The following SULT4A1 variants were observed in gnomAD, a reference collection of about 807,000 sequenced individuals.
The protein encoded by SULT4A1 is sulfotransferase family 4A member 1, also known as sulfotransferase 4A1.
A neutral mutation model predicts 35.2 loss-of-function variants in SULT4A1; 11 were observed. The observed-to-expected ratio is 0.31, with a 90% confidence interval of 0.20 to 0.52. The LOEUF is 0.52. SULT4A1 is among the 20% of genes least tolerant of loss of function. The probability of loss-of-function intolerance (pLI) is 0.97; values close to 1 mark genes in which losing one functional copy is unlikely to be tolerated. For synonymous variants in SULT4A1, 152 were observed against 151.8 expected, an observed-to-expected ratio of 1.00 and a Z score of -0.01; for missense variants, 271 against 383.7, an observed-to-expected ratio of 0.71 and a Z score of 2.45.
At chr22:43,856,175 C>T (rs1475788451) in intron 1 of SULT4A1, among the ~76,000 whole-genome samples, 1 of 152,198 alleles carries the variant, frequency 6.6e-6, no homozygotes, top group South Asian at 2.1e-4. Flanking sequence ...AAAAGAAAAA[C>T]ATCCTACTTG....
rs1408152403 is a variant in SULT4A1, at chr22:43,825,793, C to A, written c.*208G>T. The A allele has an allele frequency of 1.1e-5, 6 of 551,178 alleles. No homozygotes were observed. Among genetic ancestry groups the A allele is most frequent in the Non-Finnish European group, 1.9e-5 (6 of 309,750 alleles). The allele number at this position is 551,178 out of a possible 1,614,324, so 34.1% of individuals were successfully genotyped here. ...AATGTGGAGACTGTTTGTAATCAGA[C>A]ATGGAGAGGCTGCACGTTCTAAAGG... On this transcript the variant is annotated 3_prime_UTR_variant, in exon 7 of 7. Transcript: ENST00000330884.
At chr22:43,830,978 G>T (rs1370099883) in intron 5 of SULT4A1, among the ~76,000 whole-genome samples, 2 of 152,178 alleles carry the variant, frequency 1.3e-5, no homozygotes, top group Non-Finnish European at 2.9e-5. Context: ...CCTAAAAAAA[G>T]AATAAACCCA....
chr22:43,841,101 C>A (rs549660085), intron 2 of SULT4A1, among the ~76,000 whole-genome samples: 60 of 152,350 alleles, frequency 3.9e-4, no homozygotes, highest in Non-Finnish European at 6.2e-4. Context: ...CACGGCAGTA[C>A]GGAACGACTC....
In SULT4A1 at chr22:43,862,431, A is replaced by ACGCGCCCGCGCC. The variant is rs549267654; in HGVS notation, c.-61_-50dup. 2.6e-3 allele frequency: 2,482 copies of ACGCGCCCGCGCC among 963,750 alleles called. 12 individuals carry two copies. The highest frequency in any genetic ancestry group is 0.019 in the Middle Eastern group (36 of 1,886). 59.7% of individuals were successfully genotyped at this position (963,750 alleles called of 1,614,324 possible). A position where few individuals can be genotyped will look rare whatever the true frequency, so the allele number is the denominator to read the frequency against. ...CGCCGCCTCCCGGCTCGCAGCCCGCACGCGCCCGCGCCCGCGCCCGCGCCC... is the reference window on the plus strand; with the variant it reads ...CGCCGCCTCCCGGCTCGCAGCCCGCACGCGCCCGCGCCCGCGCCCGCGCCCGCGCCCGCGCCC... On this transcript the variant is annotated 5_prime_UTR_variant, in exon 1 of 7. Transcript: ENST00000330884.
chr22:43,851,029 T>C (rs2063507126), intron 1 of SULT4A1, among the ~76,000 whole-genome samples: 1 of 152,218 alleles, frequency 6.6e-6, no homozygotes, highest in African/African-American at 2.4e-5. Context: ...TCTTCCGTAC[T>C]CTGTTCCCTT....
intron 1 of SULT4A1, among the ~76,000 whole-genome samples, chr22:43,842,664 C>T (rs909855859): frequency 1.3e-5 from 2 of 152,164 alleles, no homozygotes; most frequent in East Asian, 3.9e-4. Context: ...CCCCAAGGCG[C>T]TCCAGGGTAC....
chr22:43,830,682 C>T (rs545664748), intron 5 of SULT4A1, among the ~76,000 whole-genome samples: 123 of 152,302 alleles, frequency 8.1e-4, no homozygotes, highest in African/African-American at 2.8e-3. Flanking sequence ...GTGAGAACAC[C>T]CTGCAAGATG....
rs974285203 is a variant in SULT4A1, at chr22:43,825,072, A to T, written c.*929T>A. ...CCACGGCTGAGCGCCTCAGGTGCACAGAACAAACTGAATGATAAAGACCCG... is the reference window on the plus strand; with the variant it reads ...CCACGGCTGAGCGCCTCAGGTGCACTGAACAAACTGAATGATAAAGACCCG... On this transcript the variant is annotated 3_prime_UTR_variant, in exon 7 of 7. Coordinates refer to ENST00000330884, the MANE Select transcript of SULT4A1 (RefSeq NM_014351.4). 3 of 152,268 alleles carry T rather than the reference A, an allele frequency of 2.0e-5. No individual in the cohort carries two copies. Among genetic ancestry groups the T allele is most frequent in the Non-Finnish European group, 2.9e-5 (2 of 68,038 alleles). 9.4% of individuals were successfully genotyped at this position (152,268 alleles called of 1,614,324 possible). A position where few individuals can be genotyped will look rare whatever the true frequency, so the allele number is the denominator to read the frequency against.
intron 6 of SULT4A1, chr22:43,826,681 G>A: frequency 2.1e-5 from 21 of 985,458 alleles, no homozygotes; most frequent in Non-Finnish European, 2.5e-5. Context: ...AAGCCCTCCT[G>A]ACTGGGCCAA....
intron 6 of SULT4A1, 164 bp from the exon 7 acceptor site, chr22:43,826,277 G>A: frequency 1.0e-6 from 1 of 985,394 alleles, no homozygotes; most frequent in African/African-American, 1.7e-5. Flanking sequence ...CAGACCAGGT[G>A]GTCCCCTAAC....
rs143993811 is a variant in SULT4A1 at position 43,827,140 on chromosome 22, C to A, written c.743-1027G>T. ...GAGCTGTGAGCACATCACCCGAGTA[C>A]TGCCTCCCTGCTTTTGAAGAACTGC... On this transcript the variant is annotated intron_variant, in intron 6 of 6. Coordinates refer to ENST00000330884, the MANE Select transcript of SULT4A1 (RefSeq NM_014351.4). 79 of 985,490 alleles carry A rather than the reference C, an allele frequency of 8.0e-5. No homozygotes were observed. The East Asian group carries it at 7.7e-3, about 96-fold the overall frequency. 61.0% of individuals were successfully genotyped at this position (985,490 alleles called of 1,614,324 possible).
At position 43,833,700 on chromosome 22, in the gene SULT4A1, C is replaced by A. The variant is rs1286524907; in HGVS notation, c.543G>T (p.Glu181Asp). Residue 181 changes from glutamate to aspartate, a missense_variant, in exon 5 of 7, where the codon GAG becomes GAT. Around this residue, in one of 3 missense-constraint regions of SULT4A1, gnomAD observed 164 missense variants for 254.1 expected, o/e 0.65. Transcript: ENST00000330884. ...TCGAGTCCATGCGGTGCTCCCAGAA[C>A]TCCTGCACGTGCTCAAACCAGGAGC... ...GYGSWFEHVQ[E>D]FWEHRMDSNV... 1 of 1,583,896 alleles carries A rather than the reference C, an allele frequency of 6.3e-7. No homozygotes were observed. Among genetic ancestry groups the A allele is most frequent in the East Asian group, 2.3e-5 (1 of 43,854 alleles).
intron 1 of SULT4A1, among the ~76,000 whole-genome samples, chr22:43,843,204 C>G (rs1251035006): frequency 6.6e-6 from 1 of 152,132 alleles, no homozygotes; most frequent in African/African-American, 2.4e-5. Context: ...TGCTTGAGGC[C>G]AGAAGTTCGA....
intron 1 of SULT4A1, among the ~76,000 whole-genome samples, chr22:43,857,058 A>G (rs953517331): frequency 7.2e-5 from 11 of 152,220 alleles, no homozygotes; most frequent in African/African-American, 2.7e-4. Context: ...GATGGACAAC[A>G]CACATGAATA....
intron 4 of SULT4A1, among the ~76,000 whole-genome samples, chr22:43,837,707 G>C (rs2063388416): frequency 6.6e-6 from 1 of 152,184 alleles, no homozygotes; most frequent in African/African-American, 2.4e-5. Context: ...GCAAGCAACA[G>C]AGTCAGCCTG....
chr22:43,841,949 C>G lies in SULT4A1; in HGVS notation c.170-17G>C. The G allele has an allele frequency of 6.2e-7, 1 of 1,611,152 alleles. No individual in the cohort carries two copies. The highest frequency in any genetic ancestry group is 8.5e-7 in the Non-Finnish European group (1 of 1,178,438). On this transcript the variant is annotated splice_polypyrimidine_tract_variant and intron_variant, in intron 1 of 6. Coordinates refer to ENST00000330884, the MANE Select transcript of SULT4A1 (RefSeq NM_014351.4). Reference sequence around the variant, plus strand: ...AGCTGGTGCCTGGAGGGGAGAAGCCCCAGCGCGGGGTGCTCAGAGGAGGCC... The same window carrying G: ...AGCTGGTGCCTGGAGGGGAGAAGCCGCAGCGCGGGGTGCTCAGAGGAGGCC...
At chr22:43,844,881 G>A (rs1178205351) in intron 1 of SULT4A1, among the ~76,000 whole-genome samples, 1 of 152,238 alleles carries the variant, frequency 6.6e-6, no homozygotes, top group Non-Finnish European at 1.5e-5. Context: ...GTGCAGGCAG[G>A]AGGAAGCGGG....
rs779939578 is a variant in SULT4A1, at chr22:43,839,925, C to A, written c.381+20G>T. On this transcript the variant is annotated intron_variant, in intron 3 of 6. Transcript: ENST00000330884. ...CTTGGTGGGGACTCATCTCGGGAGG[C>A]AGAGGAGGTGCCAGCTTACCTTGGA... 1 of 1,594,960 alleles carries A rather than the reference C, an allele frequency of 6.3e-7. No homozygotes were observed.
chr22:43,859,185 T>TCTCCCCTCAGCTTCAG (rs1491350541), intron 1 of SULT4A1, among the ~76,000 whole-genome samples: 2 of 151,680 alleles, frequency 1.3e-5, no homozygotes, highest in Non-Finnish European at 2.9e-5. Flanking sequence ...ACACCATGAG[T>TCTCCCCTCAGCTTCAG]CTCCCCTCAG....
Sources: gnomAD v4.1 joint callset for allele counts (sites outside exome capture counted in the v4.1 genomes callset) on GRCh38, gnomAD v4.1.1 for gene constraint, gnomAD v4.1.1 regional missense constraint, MANE v1.5 for transcripts, NCBI Gene and HGNC (gene_info 2026-07-23, HGNC 2026-07-21) for gene names.